BPIFB4: variants seen among roughly 807,000 people sequenced by gnomAD.
The protein encoded by BPIFB4 is BPI fold containing family B member 4.
Under a neutral mutation model 69.2 loss-of-function variants are expected in BPIFB4, and 62 were observed. That is an observed-to-expected ratio of 0.90 (90% confidence interval 0.73 to 1.11). The LOEUF is 1.11. BPIFB4 is among the 50% of genes least tolerant of loss of function. The probability of loss-of-function intolerance (pLI) is 0.00; values close to 1 mark genes in which losing one functional copy is unlikely to be tolerated. For synonymous variants in BPIFB4, 330 were observed against 332.7 expected, an observed-to-expected ratio of 0.99 and a Z score of 0.09; for missense variants, 789 against 792.0, an observed-to-expected ratio of 1.00 and a Z score of 0.04.
intron 17 of BPIFB4, among the ~76,000 whole-genome samples, chr20:33,108,782 A>G (rs1320179480): frequency 6.6e-6 from 1 of 152,248 alleles, no homozygotes. Flanking sequence ...ACCATTATAA[A>G]TACCATCACT....
chr20:33,088,288 C>T (rs954716031), intron 7 of BPIFB4, among the ~76,000 whole-genome samples: 5 of 148,390 alleles, frequency 3.4e-5, no homozygotes, highest in Admixed American at 1.4e-4. Context: ...CTGCAGTGAG[C>T]GGAGATTTTA....
chr20:33,081,369 C>A, intron 2 of BPIFB4, 143 bp from the exon 3 acceptor site: 1 of 1,398,314 alleles, frequency 7.2e-7, no homozygotes, highest in Non-Finnish European at 9.4e-7. Context: ...TGGACCCTGC[C>A]TTAGTATGTG....
chr20:33,081,666 T>C, intron 3 of BPIFB4, 34 bp downstream of exon 3: 3 of 1,550,258 alleles, frequency 1.9e-6, no homozygotes, highest in Non-Finnish European at 2.6e-6. Flanking sequence ...AGGGTTGGCA[T>C]GGGGTGAGCA....
At chr20:33,097,270 G>C (rs901292690) in intron 12 of BPIFB4, among the ~76,000 whole-genome samples, 4 of 152,166 alleles carry the variant, frequency 2.6e-5, no homozygotes, top group Admixed American at 2.6e-4. Context: ...CCCATGGGTT[G>C]TTGTAATGAC....
At chr20:33,082,424 C>A (rs1167101813) in intron 3 of BPIFB4, among the ~76,000 whole-genome samples, 1 of 152,134 alleles carries the variant, frequency 6.6e-6, no homozygotes, top group Non-Finnish European at 1.5e-5. Flanking sequence ...ACCTCCTCCT[C>A]CCCGTTTCAA....
In BPIFB4 at chr20:33,083,793, A is replaced by G. The variant is rs4339026; in HGVS notation, c.596A>G (p.Asp199Gly). 360,284 of 1,613,186 alleles carry G rather than the reference A, an allele frequency of 0.22. 41,811 individuals are homozygous for G. The highest frequency in any genetic ancestry group is 0.35 in the Admixed American group (20,872 of 59,942). ...CTCGGCGGAGGTGGTCTCCTTGGTG[A>G]TGGAGGACTTCTTGGAGGAGGGGGT... ...GLLGGGGLLG[D>G]GGLLGGGGVL... Residue 199 changes from aspartate (D) to glycine (G), a missense_variant, in exon 5 of 18, where the codon GAT becomes GGT. Around this residue, in one of 3 missense-constraint regions of BPIFB4, gnomAD observed 611 missense variants for 575.4 expected, o/e 1.06. Coordinates refer to ENST00000375483, the MANE Select transcript of BPIFB4 (RefSeq NM_182519.3).
In BPIFB4 at chr20:33,083,955, C is replaced by T. The variant is rs551475351; in HGVS notation, c.677+81C>T. On this transcript the variant is annotated intron_variant, in intron 5 of 17. Transcript: ENST00000375483. Reference sequence around the variant, plus strand: ...GATCACTCCCTGAAGCTGGGGTTGCCGGAGGGAAGGTCTTCAGAGCCCCAC... The same window carrying T: ...GATCACTCCCTGAAGCTGGGGTTGCTGGAGGGAAGGTCTTCAGAGCCCCAC... 5.9e-5 allele frequency: 87 copies of T among 1,476,224 alleles called. No individual in the cohort carries two copies. The East Asian group carries it at 1.2e-3, about 21-fold the overall frequency. The allele number at this position is 1,476,224 out of a possible 1,614,324, so 91.4% of individuals were successfully genotyped here. A position where few individuals can be genotyped will look rare whatever the true frequency, so the allele number is the denominator to read the frequency against.
chr20:33,103,151 C>T lies in BPIFB4; in HGVS notation c.1680+137C>T. 3.1e-6 allele frequency: 3 copies of T among 962,488 alleles called. No homozygotes were observed. The South Asian group carries it at 4.1e-5, about 13-fold the overall frequency. 59.6% of individuals were successfully genotyped at this position (962,488 alleles called of 1,614,324 possible). A position where few individuals can be genotyped will look rare whatever the true frequency, so the allele number is the denominator to read the frequency against. On this transcript the variant is annotated intron_variant, in intron 15 of 17. Coordinates refer to ENST00000375483, the MANE Select transcript of BPIFB4 (RefSeq NM_182519.3). ...TCCAAAGTGCTCCCGTCAACACTAT[C>T]AGCCCTCATTTTGCAGATGGACAGA...
In BPIFB4 at chr20:33,090,958, C is replaced by T. The variant is rs139981146; in HGVS notation, c.1143+159C>T. 1.1e-3 allele frequency among the ~76,000 whole-genome samples: 164 copies of T among 152,364 alleles called. No homozygotes were observed. The East Asian group carries it at 0.025, about 23-fold the overall frequency. On this transcript the variant is annotated intron_variant, in intron 10 of 17. Transcript: ENST00000375483. ...GCCTTCTAAGAGCTGTGTTAGAAAA[C>T]ATAATCATGGCCAGCATTCCAAATG...
intron 17 of BPIFB4, among the ~76,000 whole-genome samples, 189 bp from the exon 18 acceptor site, chr20:33,111,225 G>A (rs2146419802): frequency 6.6e-6 from 1 of 152,290 alleles, no homozygotes; most frequent in East Asian, 1.9e-4. Context: ...TCTTGCCCAA[G>A]GTCCTCTGCA....
At chr20:33,095,220 G>T in intron 12 of BPIFB4, 67 bp downstream of exon 12, 1 of 1,493,812 alleles carries the variant, frequency 6.7e-7, no homozygotes, top group Non-Finnish European at 9.3e-7. Context: ...AAACTGGATT[G>T]GAAGGGAAGA....
At chr20:33,090,591 A>G in intron 9 of BPIFB4, 117 bp from the exon 10 acceptor site, 3 of 1,496,706 alleles carry the variant, frequency 2.0e-6, no homozygotes, top group African/African-American at 2.8e-5. Context: ...TGCTCTTTTC[A>G]TGGTGTCTGG....
intron 16 of BPIFB4, among the ~76,000 whole-genome samples, 193 bp downstream of exon 16, chr20:33,105,066 C>CT (rs1329023336): frequency 6.6e-6 from 1 of 152,106 alleles, no homozygotes; most frequent in Non-Finnish European, 1.5e-5. Flanking sequence ...TTATTTGCTT[C>CT]TTTCTTGTTT....
At chr20:33,103,058 G>C in intron 15 of BPIFB4, 44 bp downstream of exon 15, 1 of 1,592,814 alleles carries the variant, frequency 6.3e-7, no homozygotes, top group Non-Finnish European at 8.6e-7. Context: ...TTCTGGGAAG[G>C]AGCCCAGGAC....
intron 12 of BPIFB4, among the ~76,000 whole-genome samples, chr20:33,096,842 T>C (rs948632204): frequency 2.0e-5 from 3 of 152,224 alleles, no homozygotes; most frequent in Non-Finnish European, 4.4e-5. Flanking sequence ...CTTTTGAAAG[T>C]AATATTGTGG....
intron 12 of BPIFB4, among the ~76,000 whole-genome samples, chr20:33,096,341 T>A (rs576991473): frequency 9.2e-5 from 14 of 152,348 alleles, no homozygotes; most frequent in Non-Finnish European, 1.3e-4. Context: ...AGTGGCACAA[T>A]CTCAGCTCAC....
chr20:33,093,096 C>T (rs1466588794), intron 11 of BPIFB4, among the ~76,000 whole-genome samples: 1 of 152,162 alleles, frequency 6.6e-6, no homozygotes, highest in Non-Finnish European at 1.5e-5. Flanking sequence ...TGAAAACTTT[C>T]AAGGCTTCAG....
intron 7 of BPIFB4, among the ~76,000 whole-genome samples, chr20:33,088,704 C>T (rs1317294951): frequency 6.6e-6 from 1 of 152,188 alleles, no homozygotes; most frequent in African/African-American, 2.4e-5. Flanking sequence ...ACAGCCTGGG[C>T]CTGACCCATT....
At position 33,107,812 on chromosome 20, in the gene BPIFB4, G is replaced by C. The variant is rs138732736; in HGVS notation, c.1813G>C (p.Val605Leu). ...CGACTTTAGCAATGCAGACATTGAC[G>C]TGTTGGAGGTAAGAGGAGATCGAGC... ...NIDFSNADIDVLEDLLVLSA is the reference protein window; with the variant it reads ...NIDFSNADIDLLEDLLVLSA Residue 605 changes from valine to leucine, a missense_variant, in exon 17 of 18, where the codon GTG (valine) becomes CTG (leucine). Transcript: ENST00000375483. The C allele has an allele frequency of 6.1e-5, 98 of 1,613,680 alleles. No homozygotes were observed. Among genetic ancestry groups the C allele is most frequent in the Non-Finnish European group, 7.5e-5 (89 of 1,179,740 alleles).
Sources: gnomAD v4.1 joint callset for allele counts (sites outside exome capture counted in the v4.1 genomes callset) on GRCh38, gnomAD v4.1.1 for gene constraint, gnomAD v4.1.1 regional missense constraint, MANE v1.5 for transcripts, NCBI Gene and HGNC (gene_info 2026-07-23, HGNC 2026-07-21) for gene names.